Variants in NUCB2 observed in about 807,000 individuals in gnomAD.
NUCB2 encodes nucleobindin 2, also known as nucleobindin-2.
NUCB2 carries 48 observed loss-of-function variants against 57.9 expected under a neutral mutation model. The observed-to-expected ratio is 0.83, with a 90% CI of 0.66 to 1.05. The LOEUF is 1.05. Among genes scored for constraint, NUCB2 ranks in the 50% least tolerant of loss-of-function variants. The probability of loss-of-function intolerance (pLI) is 0.00; values close to 1 mark genes in which losing one functional copy is unlikely to be tolerated. For missense variants in NUCB2, 442 were observed against 476.2 expected, an observed-to-expected ratio of 0.93 and a Z score of 0.67; for synonymous variants, 139 against 152.1, an observed-to-expected ratio of 0.91 and a Z score of 0.64.
In NUCB2 at chr11:17,330,771, A is replaced by C; in HGVS notation, c.1174-131A>C. The C allele has an allele frequency of 1.4e-6, 1 of 701,992 alleles. No individual in the cohort carries two copies. The highest frequency in any genetic ancestry group is 2.8e-5 in the East Asian group (1 of 36,214). 43.5% of individuals were successfully genotyped at this position (701,992 alleles called of 1,614,324 possible). On this transcript the variant is annotated intron_variant, in intron 12 of 13. Coordinates refer to ENST00000529010, the MANE Select transcript of NUCB2 (RefSeq NM_005013.4). This position sits in a 1 kb window ranked among gnomAD's most constrained non-coding sequence, Gnocchi z 4.3. ...GGCGTGAGCCACTGCACCTAGTCAAATCTAAATCTTATAGTTTGAATATCT... is the reference window on the plus strand; with the variant it reads ...GGCGTGAGCCACTGCACCTAGTCAACTCTAAATCTTATAGTTTGAATATCT...
Position 17,348,628 on chromosome 11 carries a change from C to T in NUCB2, n.2627-717C>T, listed in dbSNP as rs182818596. Among the ~76,000 whole-genome samples the T allele has an allele frequency of 7.6e-3, 1,124 of 148,024 alleles. 6 individuals carry two copies. Among genetic ancestry groups the T allele is most frequent in the Non-Finnish European group, 0.013 (881 of 66,188 alleles). ...GTGCTGGGATTACAGGCATAAGCCA[C>T]TACACCTGGCCTAGACAGATTTTTT... On this transcript the variant is annotated intron_variant and non_coding_transcript_variant, in intron 2 of 2. Coordinates refer to the NUCB2 transcript ENST00000532240.
chr11:17,309,821 GA>G, intron 6 of NUCB2, 146 bp downstream of exon 6: 1 of 506,934 alleles, frequency 2.0e-6, no homozygotes, highest in Non-Finnish European at 3.4e-6. Flanking sequence ...TATTAATACA[GA>G]TATTAATATG....
intron 4 of NUCB2, among the ~76,000 whole-genome samples, chr11:17,298,629 C>CTT (rs1946222704): frequency 6.6e-6 from 1 of 151,012 alleles, no homozygotes; most frequent in African/African-American, 2.4e-5. Context: ...ATAGAATCAT[C>CTT]ACAAATAGCC....
intron 2 of NUCB2, chr11:17,291,186 G>C (rs996945440): frequency 6.6e-6 from 1 of 151,782 alleles, no homozygotes; most frequent in Non-Finnish European, 1.5e-5. Context: ...GTGTCCTCTT[G>C]CTTCTGGCTG....
intron 11 of NUCB2, among the ~76,000 whole-genome samples, chr11:17,318,316 C>T (rs796847151): frequency 1.4e-5 from 2 of 146,698 alleles, no homozygotes; most frequent in Non-Finnish European, 3.0e-5. Flanking sequence ...CGTGCCCAGA[C>T]AGAAGTCAGC....
At chr11:17,320,377 T>C (rs962018628) in intron 11 of NUCB2, among the ~76,000 whole-genome samples, 1 of 152,182 alleles carries the variant, frequency 6.6e-6, no homozygotes, top group African/African-American at 2.4e-5. Context: ...GTTTAGATTT[T>C]GTTGTTGTTG....
chr11:17,313,592 A>T (rs1200858156), intron 10 of NUCB2, among the ~76,000 whole-genome samples: 2 of 152,154 alleles, frequency 1.3e-5, no homozygotes. Flanking sequence ...ACCTCTGGTT[A>T]CTGCCTCATT....
intron 5 of NUCB2, among the ~76,000 whole-genome samples, chr11:17,308,150 A>G (rs796358617): frequency 3.3e-4 from 50 of 152,288 alleles, no homozygotes; most frequent in African/African-American, 1.0e-3. Flanking sequence ...GCAGTTCTTC[A>G]CTTTCTGGCA....
intron 2 of NUCB2, among the ~76,000 whole-genome samples, chr11:17,346,926 C>T (rs527496569): frequency 5.9e-5 from 9 of 152,164 alleles, no homozygotes; most frequent in East Asian, 5.8e-4. Context: ...ATCATTGCAA[C>T]GATAGTATAA....
intron 11 of NUCB2, among the ~76,000 whole-genome samples, chr11:17,319,115 G>T (rs1283429233): frequency 6.6e-6 from 1 of 152,200 alleles, no homozygotes; most frequent in East Asian, 1.9e-4. Context: ...GTTGACAAAT[G>T]GAGATTTTCT....
chr11:17,276,870 G>A (rs1257561687), intron 1 of NUCB2, 42 bp downstream of exon 1: 1 of 152,354 alleles, frequency 6.6e-6, no homozygotes, highest in Middle Eastern at 3.1e-3. Context: ...GCAGCGCGGC[G>A]GGAGATTAGG....
At chr11:17,292,394 T>C (rs970030654) in intron 2 of NUCB2, among the ~76,000 whole-genome samples, 1 of 152,096 alleles carries the variant, frequency 6.6e-6, no homozygotes, top group African/African-American at 2.4e-5. Context: ...GTAGGTGAGG[T>C]TGGTAAATAA....
chr11:17,293,685 A>G (rs961733992), intron 2 of NUCB2, among the ~76,000 whole-genome samples: 1 of 152,262 alleles, frequency 6.6e-6, no homozygotes, highest in African/African-American at 2.4e-5. Context: ...TGGCATATGT[A>G]TACAATGGAC....
intron 1 of NUCB2, among the ~76,000 whole-genome samples, chr11:17,280,498 C>T (rs764997156): frequency 7.9e-5 from 12 of 152,104 alleles, no homozygotes; most frequent in South Asian, 2.1e-4. Flanking sequence ...ACTCAAAAGC[C>T]GTTTATTTTT....
chr11:17,336,678 C>A (rs1477181092), downstream of NUCB2, among the ~76,000 whole-genome samples: 1 of 141,762 alleles, frequency 7.1e-6, no homozygotes, highest in African/African-American at 2.7e-5. Context: ...GGCGTGAACC[C>A]GGGAGGCGGA....
At chr11:17,288,127 G>A (rs1414882798) in intron 2 of NUCB2, among the ~76,000 whole-genome samples, 1 of 152,194 alleles carries the variant, frequency 6.6e-6, no homozygotes, top group Non-Finnish European at 1.5e-5. Context: ...GACTACAAAG[G>A]TGAAGAAGTC....
At chr11:17,289,544 T>A (rs894789204) in intron 2 of NUCB2, among the ~76,000 whole-genome samples, 1 of 152,200 alleles carries the variant, frequency 6.6e-6, no homozygotes, top group African/African-American at 2.4e-5. Context: ...AACACACTTG[T>A]CAGGTTATGT....
intron 4 of NUCB2, among the ~76,000 whole-genome samples, chr11:17,297,974 C>T (rs1461142000): frequency 1.4e-5 from 2 of 147,912 alleles, no homozygotes; most frequent in East Asian, 2.1e-4. Context: ...CCCAGCCACT[C>T]GGGAGGCTGA....
In NUCB2 at chr11:17,311,192, G is replaced by T. The variant is rs764212195; in HGVS notation, c.670-1G>T. On this transcript the variant is annotated splice_acceptor_variant, in intron 7 of 13. Transcript: ENST00000529010. LOFTEE classifies it high-confidence loss of function. The stretch of plus-strand genomic sequence containing the variant: ...AGCAATTTTTTAAAATTGGTTCACA[G>T]GGAAGCAAAGATCAACTAAAAGAGG... 1.2e-5 allele frequency: 19 copies of T among 1,599,930 alleles called. No individual in the cohort carries two copies. The highest frequency in any genetic ancestry group is 3.3e-4 in the Middle Eastern group (2 of 5,974).
Sources: allele counts gnomAD v4.1 joint callset (sites outside exome capture counted in the v4.1 genomes callset), GRCh38; gene constraint gnomAD v4.1.1; non-coding constraint Gnocchi (gnomAD v3.1); transcripts MANE v1.5; gene names NCBI Gene and HGNC (gene_info 2026-07-23, HGNC 2026-07-21).